Variants in TCAIM observed in about 807,000 individuals in gnomAD.
The protein encoded by TCAIM is T-cell activation inhibitor, mitochondrial.
TCAIM carries 36 observed loss-of-function variants against 58.6 expected under a neutral mutation model. The observed-to-expected ratio is 0.61, with a 90% CI of 0.47 to 0.81. The LOEUF is 0.81. TCAIM is among the 30% of genes least tolerant of loss of function. The pLI is 0.00. For missense variants in TCAIM, 466 were observed against 579.6 expected (o/e 0.80, Z 2.01); for synonymous variants, 172 against 193.6 (o/e 0.89, Z 0.93).
intron 1 of TCAIM, among the ~76,000 whole-genome samples, chr3:44,345,512 C>A (rs889877916): frequency 1.3e-5 from 2 of 152,110 alleles, no homozygotes; most frequent in African/African-American, 4.8e-5. Flanking sequence ...CAACACTCTT[C>A]GTTTAATATA....
intron 8 of TCAIM, among the ~76,000 whole-genome samples, chr3:44,399,190 A>G (rs1701985224): frequency 1.3e-5 from 2 of 152,210 alleles, no homozygotes; most frequent in South Asian, 4.1e-4. Flanking sequence ...AGATTAATGA[A>G]TTGTATCAAT....
chr3:44,367,398 G>A (rs1701396817), intron 4 of TCAIM, 58 bp from the exon 5 acceptor site: 11 of 1,514,278 alleles, frequency 7.3e-6, no homozygotes, highest in Non-Finnish European at 1.8e-6. Flanking sequence ...TTTTATATAT[G>A]TTGAAATAAA....
chr3:44,355,770 C>G (rs917003592), intron 2 of TCAIM, among the ~76,000 whole-genome samples: 2 of 152,174 alleles, frequency 1.3e-5, no homozygotes, highest in Admixed American at 6.5e-5. Flanking sequence ...GATTGAGTTG[C>G]TAACTGCTCC....
chr3:44,386,431 TG>T (rs1227686236), intron 5 of TCAIM, among the ~76,000 whole-genome samples: 1 of 152,144 alleles, frequency 6.6e-6, no homozygotes, highest in African/African-American at 2.4e-5. Context: ...TGGTGTGGGC[TG>T]GGAACAGGCA....
intron 8 of TCAIM, among the ~76,000 whole-genome samples, chr3:44,399,863 C>G (rs1701995087): frequency 6.6e-6 from 1 of 152,276 alleles, no homozygotes; most frequent in Admixed American, 6.5e-5. Context: ...GGGACAAACT[C>G]TTATAATCTG....
chr3:44,405,649 G>T (rs1378291711), intron 10 of TCAIM, among the ~76,000 whole-genome samples: 1 of 151,958 alleles, frequency 6.6e-6, no homozygotes, highest in Non-Finnish European at 1.5e-5. Context: ...ACTCCAGCCT[G>T]GGCAACAGCA....
At chr3:44,378,849 A>C (rs915675339) in intron 5 of TCAIM, among the ~76,000 whole-genome samples, 2 of 151,508 alleles carry the variant, frequency 1.3e-5, no homozygotes, top group Non-Finnish European at 2.9e-5. Context: ...ACCTCATACC[A>C]GTTAGAATGG....
At chr3:44,348,754 C>G (rs1701025740) in intron 1 of TCAIM, among the ~76,000 whole-genome samples, 1 of 152,146 alleles carries the variant, frequency 6.6e-6, no homozygotes, top group Non-Finnish European at 1.5e-5. Flanking sequence ...GGCCTTCTGG[C>G]CCCTCTGGGT....
chr3:44,395,009 G>T (rs1361019228), intron 6 of TCAIM, among the ~76,000 whole-genome samples: 1 of 125,016 alleles, frequency 8.0e-6, no homozygotes, highest in Non-Finnish European at 1.6e-5. Flanking sequence ...AGTATAAAAG[G>T]GTCCCTGAGA....
intron 8 of TCAIM, among the ~76,000 whole-genome samples, chr3:44,398,221 C>T (rs1388499994): frequency 1.3e-5 from 2 of 151,780 alleles, no homozygotes; most frequent in East Asian, 1.9e-4. Flanking sequence ...GTCAGGAGTT[C>T]GAGACCAGCC....
intron 1 of TCAIM, among the ~76,000 whole-genome samples, chr3:44,348,723 A>C (rs1381123312): frequency 6.6e-6 from 1 of 152,202 alleles, no homozygotes; most frequent in East Asian, 1.9e-4. Context: ...TGGGTAATAA[A>C]ATGCATATTG....
At chr3:44,342,596 G>T (rs1700876178) in intron 1 of TCAIM, among the ~76,000 whole-genome samples, 1 of 151,966 alleles carries the variant, frequency 6.6e-6, no homozygotes, top group Non-Finnish European at 1.5e-5. Context: ...TTGCCAGATG[G>T]TTTGATGAAG....
chr3:44,369,255 A>G (rs1701426681), intron 5 of TCAIM, among the ~76,000 whole-genome samples: 1 of 152,122 alleles, frequency 6.6e-6, no homozygotes, highest in African/African-American at 2.4e-5. Flanking sequence ...CCCGCGGGAG[A>G]ATATTGTTGT....
At chr3:44,366,052 G>A (rs572815880) in intron 4 of TCAIM, among the ~76,000 whole-genome samples, 1 of 152,178 alleles carries the variant, frequency 6.6e-6, no homozygotes, top group Non-Finnish European at 1.5e-5. Flanking sequence ...ATTTGGCTTG[G>A]TGTCAACTCA....
intron 5 of TCAIM, among the ~76,000 whole-genome samples, chr3:44,369,040 A>G (rs1701423384): frequency 6.6e-6 from 1 of 152,178 alleles, no homozygotes; most frequent in African/African-American, 2.4e-5. Context: ...TAATAAATAA[A>G]TAAAAAGTAG....
At chr3:44,379,057 G>A (rs1701612904) in intron 5 of TCAIM, among the ~76,000 whole-genome samples, 1 of 151,202 alleles carries the variant, frequency 6.6e-6, no homozygotes, top group South Asian at 2.1e-4. Flanking sequence ...CTGTTGGGGA[G>A]GCTGAGGCAG....
In TCAIM at chr3:44,361,330, T is replaced by C. The variant is rs1412703469; in HGVS notation, c.166-35T>C. ...TCATTTCTGATATTTCCTTGTTCTATTTTGTATGTAAATGCCCTTAATGTT... is the reference window on the plus strand; with the variant it reads ...TCATTTCTGATATTTCCTTGTTCTACTTTGTATGTAAATGCCCTTAATGTT... On this transcript the variant is annotated intron_variant, in intron 3 of 10. Coordinates refer to ENST00000342649, the MANE Select transcript of TCAIM (RefSeq NM_173826.4). The C allele has an allele frequency of 1.9e-6, 3 of 1,544,630 alleles. No individual in the cohort carries two copies. In the South Asian group the frequency reaches 3.7e-5, roughly 19 times the overall value.
intron 4 of TCAIM, among the ~76,000 whole-genome samples, chr3:44,367,159 C>G (rs1006833507): frequency 1.5e-4 from 23 of 152,272 alleles, no homozygotes; most frequent in Admixed American, 2.6e-4. Flanking sequence ...TCTAAATCCC[C>G]TTGGTGGGCT....
chr3:44,400,302 A>G (rs569015217), intron 8 of TCAIM, 53 bp from the exon 9 acceptor site: 3 of 1,336,652 alleles, frequency 2.2e-6, no homozygotes, highest in African/African-American at 3.0e-5. Context: ...CTAAAATTAA[A>G]TTATTATAGT....
Sources: gnomAD v4.1 joint callset for allele counts (sites outside exome capture counted in the v4.1 genomes callset) on GRCh38, gnomAD v4.1.1 for gene constraint, MANE v1.5 for transcripts, NCBI Gene and HGNC (gene_info 2026-07-23, HGNC 2026-07-21) for gene names.